IMMP2L: variants seen among roughly 807,000 people sequenced by gnomAD.
The protein encoded by IMMP2L is mitochondrial inner membrane protease subunit 2.
A neutral mutation model predicts 19.3 loss-of-function variants in IMMP2L; 18 were observed. The ratio of observed to expected loss-of-function variants is 0.93; its 90% CI spans 0.64 to 1.38. The LOEUF (loss-of-function observed/expected upper bound fraction) is 1.38, where lower values mean the gene tolerates loss of function less well. IMMP2L is among the 40% of genes most tolerant of loss of function. The pLI is 0.00. For synonymous variants in IMMP2L, 76 were observed against 73.0 expected, an observed-to-expected ratio of 1.04 and a Z score of -0.21; for missense variants, 233 against 218.2, an observed-to-expected ratio of 1.07 and a Z score of -0.43.
At chr7:110,778,434 G>A (rs56367903) in intron 5 of IMMP2L, among the ~76,000 whole-genome samples, 9,574 of 151,954 alleles carry the variant, frequency 0.063, 336 homozygotes, top group African/African-American at 0.087. Flanking sequence ...TATGATGCAC[G>A]TATTCATCAT....
chr7:110,821,479 AT>A, intron 5 of IMMP2L, among the ~76,000 whole-genome samples: 1 of 152,132 alleles, frequency 6.6e-6, no homozygotes, highest in South Asian at 2.1e-4. Flanking sequence ...TATAAAAAAA[AT>A]GTGATCCTTA....
intron 4 of IMMP2L, among the ~76,000 whole-genome samples, chr7:110,907,288 T>C (rs984045674): frequency 8.5e-5 from 13 of 152,052 alleles, no homozygotes; most frequent in Non-Finnish European, 1.3e-4. Context: ...GAGCTCTCAG[T>C]GTAAAGGGGA....
chr7:110,689,719 T>C (rs952221404), intron 5 of IMMP2L, among the ~76,000 whole-genome samples: 5 of 152,194 alleles, frequency 3.3e-5, no homozygotes, highest in Admixed American at 3.3e-4. Context: ...TGTTTTATGA[T>C]ATATGTTTTC....
chr7:111,369,441 T>C (rs978452780), intron 3 of IMMP2L, among the ~76,000 whole-genome samples: 1 of 151,938 alleles, frequency 6.6e-6, no homozygotes, highest in Non-Finnish European at 1.5e-5. Context: ...ATTTCAATTT[T>C]CATGAAAGGG....
rs180857605 is a variant in IMMP2L, at chr7:111,132,760, C to G, written c.240-169195G>C. On this transcript the variant is annotated intron_variant, in intron 3 of 5. Transcript: ENST00000405709. ...AGTTTAAATAAAAACTGGACACCAT[C>G]AAACTTATCTGTGTGATTAAAATCT... Among the ~76,000 whole-genome samples the G allele has an allele frequency of 5.5e-3, 836 of 152,088 alleles. 7 individuals are homozygous for G. Among genetic ancestry groups the G allele is most frequent in the South Asian group, 0.021 (101 of 4,826 alleles).
chr7:111,223,818 G>T (rs1266652018), intron 3 of IMMP2L, among the ~76,000 whole-genome samples: 2 of 152,124 alleles, frequency 1.3e-5, no homozygotes, highest in African/African-American at 4.8e-5. Context: ...ATTGTGAGCA[G>T]TATCAGGCCT....
intron 5 of IMMP2L, among the ~76,000 whole-genome samples, chr7:110,672,229 G>C (rs989156754): frequency 6.6e-6 from 1 of 151,958 alleles, no homozygotes; most frequent in Non-Finnish European, 1.5e-5. Context: ...CAGAAGTGCT[G>C]AGCAAAAGGG....
chr7:111,557,610 C>CAGAGATCA (rs1229607358), intron 1 of IMMP2L, among the ~76,000 whole-genome samples: 1 of 152,152 alleles, frequency 6.6e-6, no homozygotes, highest in Admixed American at 6.5e-5. Flanking sequence ...GTATTGCAGG[C>CAGAGATCA]AGAGATCAAG....
At chr7:111,293,849 G>T (rs1052925034) in intron 3 of IMMP2L, among the ~76,000 whole-genome samples, 2 of 151,884 alleles carry the variant, frequency 1.3e-5, no homozygotes, top group African/African-American at 4.8e-5. Flanking sequence ...ACTGTTCAGT[G>T]TAACAAATTA....
At chr7:110,698,757 T>A (rs1794056364) in intron 5 of IMMP2L, among the ~76,000 whole-genome samples, 1 of 152,172 alleles carries the variant, frequency 6.6e-6, no homozygotes, top group Non-Finnish European at 1.5e-5. Context: ...ACACTATGTG[T>A]CCAGTATTCA....
rs535923894 is a variant in IMMP2L at position 111,131,223 on chromosome 7, G to GA, written c.240-167659dup. On this transcript the variant is annotated intron_variant, in intron 3 of 5. Transcript: ENST00000405709. ...TCAATAGGAATTAAGTGATTGCAGT[G>GA]AAAAAAAAAATGAACCACAACAAAA... 2.3e-3 allele frequency among the ~76,000 whole-genome samples: 342 copies of GA among 147,320 alleles called. 3 individuals are homozygous for GA. The highest frequency in any genetic ancestry group is 6.9e-3 in the Middle Eastern group (2 of 290).
intron 3 of IMMP2L, among the ~76,000 whole-genome samples, chr7:111,397,240 T>A (rs1431506328): frequency 6.6e-6 from 1 of 152,154 alleles, no homozygotes; most frequent in African/African-American, 2.4e-5. Flanking sequence ...ATACATCATT[T>A]TGTAACTTGC....
intron 2 of IMMP2L, among the ~76,000 whole-genome samples, chr7:111,519,369 C>T (rs1367225724): frequency 6.6e-6 from 1 of 152,140 alleles, no homozygotes; most frequent in Non-Finnish European, 1.5e-5. Context: ...AATAAATCCC[C>T]TTTATACCAA....
intron 5 of IMMP2L, among the ~76,000 whole-genome samples, chr7:110,722,345 G>A (rs982466815): frequency 3.3e-5 from 5 of 151,784 alleles, no homozygotes; most frequent in Admixed American, 6.6e-5. Flanking sequence ...TTCAATTCTC[G>A]AAAACCACCA....
At chr7:111,430,231 A>T (rs1272211974) in intron 3 of IMMP2L, among the ~76,000 whole-genome samples, 1 of 151,892 alleles carries the variant, frequency 6.6e-6, no homozygotes, top group Non-Finnish European at 1.5e-5. Flanking sequence ...ATAACAAAGT[A>T]AAGAAATACG....
intron 3 of IMMP2L, among the ~76,000 whole-genome samples, chr7:111,134,085 A>C (rs1352332460): frequency 1.3e-5 from 2 of 151,938 alleles, no homozygotes; most frequent in African/African-American, 4.8e-5. Flanking sequence ...GATGTCTTTG[A>C]TTTTAAGATT....
At chr7:110,872,490 T>C (rs139694657) in intron 5 of IMMP2L, among the ~76,000 whole-genome samples, 9 of 152,276 alleles carry the variant, frequency 5.9e-5, no homozygotes, top group African/African-American at 2.2e-4. Context: ...CTGTATTATC[T>C]GGGAACAACA....
At chr7:110,744,211 A>C (rs1223423934) in intron 5 of IMMP2L, among the ~76,000 whole-genome samples, 1 of 152,094 alleles carries the variant, frequency 6.6e-6, no homozygotes, top group Non-Finnish European at 1.5e-5. Flanking sequence ...CTCCTCTCTG[A>C]GCAGGGAATC....
At chr7:111,297,706 C>T (rs1262055133) in intron 3 of IMMP2L, among the ~76,000 whole-genome samples, 1 of 151,952 alleles carries the variant, frequency 6.6e-6, no homozygotes, top group Non-Finnish European at 1.5e-5. Context: ...GGTATATTCC[C>T]ACAAAGAAAA....
Sources: allele counts gnomAD v4.1 joint callset (sites outside exome capture counted in the v4.1 genomes callset), GRCh38; gene constraint gnomAD v4.1.1; transcripts MANE v1.5; gene names NCBI Gene and HGNC (gene_info 2026-07-23, HGNC 2026-07-21).